The following ZRANB3 variants were observed in gnomAD, a reference collection of about 807,000 sequenced individuals.
ZRANB3 encodes the protein zinc finger RANBP2-type containing 3.
A neutral mutation model predicts 133.8 loss-of-function variants in ZRANB3; 125 were observed. The observed-to-expected ratio is 0.93, with a 90% CI of 0.81 to 1.08. The LOEUF is 1.08. ZRANB3 is among the 50% of genes least tolerant of loss of function. The probability of loss-of-function intolerance (pLI) is 0.00; values close to 1 mark genes in which losing one functional copy is unlikely to be tolerated. For synonymous variants in ZRANB3, 387 were observed against 432.7 expected (o/e 0.89, Z 1.31); for missense variants, 1,229 against 1,275.5 (o/e 0.96, Z 0.56).
intron 1 of ZRANB3, among the ~76,000 whole-genome samples, chr2:135,522,552 C>A (rs1490603863): frequency 6.6e-6 from 1 of 152,230 alleles, no homozygotes. Flanking sequence ...GTAATCCCAG[C>A]ACTTTGGGAG....
At chr2:135,320,035 T>C (rs1449016578) in intron 6 of ZRANB3, among the ~76,000 whole-genome samples, 1 of 152,154 alleles carries the variant, frequency 6.6e-6, no homozygotes, top group Non-Finnish European at 1.5e-5. Context: ...GTGATTCTTT[T>C]TTTTCCCCCC....
At chr2:135,404,187 T>G (rs1231269929) in intron 2 of ZRANB3, among the ~76,000 whole-genome samples, 3 of 151,932 alleles carry the variant, frequency 2.0e-5, no homozygotes, top group Admixed American at 1.3e-4. Context: ...CCATGGCAAA[T>G]AAGTCAAAAA....
chr2:135,381,177 T>C (rs374764063), intron 3 of ZRANB3, among the ~76,000 whole-genome samples: 1 of 152,154 alleles, frequency 6.6e-6, no homozygotes, highest in Non-Finnish European at 1.5e-5. Context: ...CTGACCGTCA[T>C]AGCAAACGGC....
intron 12 of ZRANB3, among the ~76,000 whole-genome samples, chr2:135,257,781 A>G (rs1006617877): frequency 1.3e-5 from 2 of 152,206 alleles, no homozygotes; most frequent in South Asian, 2.1e-4. Flanking sequence ...CATTCCACAT[A>G]CATTTATTGA....
chr2:135,529,416 A>G (rs1694301854), intron 1 of ZRANB3, among the ~76,000 whole-genome samples: 1 of 152,164 alleles, frequency 6.6e-6, no homozygotes, highest in Non-Finnish European at 1.5e-5. Context: ...TGTGGGCTCC[A>G]TGTGGCCGAT....
intron 13 of ZRANB3, among the ~76,000 whole-genome samples, chr2:135,229,366 ATTTT>A (rs528864234): frequency 1.5e-5 from 2 of 136,590 alleles, no homozygotes; most frequent in African/African-American, 2.8e-5. Flanking sequence ...CAATGCCAAT[ATTTT>A]TTTTTTTTTT....
intron 17 of ZRANB3, among the ~76,000 whole-genome samples, chr2:135,214,236 G>A (rs73960603): frequency 0.12 from 17,919 of 152,178 alleles, 1,323 homozygotes; most frequent in South Asian, 0.32. Context: ...GTGGTAATTT[G>A]TTATGGCAGC....
At chr2:135,249,161 T>C (rs1573757013) in intron 12 of ZRANB3, among the ~76,000 whole-genome samples, 3 of 152,290 alleles carry the variant, frequency 2.0e-5, no homozygotes, top group Middle Eastern at 6.8e-3. Context: ...TGTAAATTAG[T>C]TCAACTATTG....
chr2:135,325,458 G>A lies in ZRANB3; in HGVS notation c.678-9928C>T, dbSNP rs150945964. On this transcript the variant is annotated intron_variant, in intron 6 of 20. Transcript: ENST00000264159. ...AGTCTCCAGGCTGGAGTGCAGTGGC[G>A]TAATCTTGGCTCACTGCAAGCTCCG... Among the ~76,000 whole-genome samples, 467 of 152,002 alleles carry A rather than the reference G, an allele frequency of 3.1e-3. 2 individuals carry two copies. Among genetic ancestry groups the A allele is most frequent in the African/African-American group, 0.01 (421 of 41,462 alleles).
At chr2:135,291,274 C>G (rs188603485) in intron 8 of ZRANB3, among the ~76,000 whole-genome samples, 5 of 152,118 alleles carry the variant, frequency 3.3e-5, no homozygotes, top group Admixed American at 6.5e-5. Context: ...CCTCTGCCTT[C>G]TAGATTCAAG....
In ZRANB3 at chr2:135,424,470, C is replaced by T. The variant is rs1220076413; in HGVS notation, c.162-33650G>A. On this transcript the variant is annotated intron_variant, in intron 2 of 20. Coordinates refer to ENST00000264159, the MANE Select transcript of ZRANB3 (RefSeq NM_032143.4). ...AAACTAGGCTGGGCGCAGTGGCTCA[C>T]GTCTGTAATCCCAGCACTCTGGGAT... Among the ~76,000 whole-genome samples, 9 of 152,272 alleles carry T rather than the reference C, an allele frequency of 5.9e-5. No individual in the cohort carries two copies. In the East Asian group the frequency reaches 1.5e-3, roughly 26 times the overall value.
At chr2:135,333,773 G>C (rs1684257345) in intron 6 of ZRANB3, among the ~76,000 whole-genome samples, 1 of 152,160 alleles carries the variant, frequency 6.6e-6, no homozygotes, top group Non-Finnish European at 1.5e-5. Flanking sequence ...GAAAGTCACT[G>C]AATTGCACAT....
chr2:135,504,224 TAAAG>T (rs1336879420), intron 2 of ZRANB3, 101 bp downstream of exon 2: 2 of 1,341,090 alleles, frequency 1.5e-6, no homozygotes, highest in Non-Finnish European at 2.1e-6. Context: ...TCAATTCTAC[TAAAG>T]AAAGACTGTG....
At chr2:135,401,649 G>A (rs139427627) in intron 2 of ZRANB3, among the ~76,000 whole-genome samples, 20 of 152,254 alleles carry the variant, frequency 1.3e-4, no homozygotes, top group Middle Eastern at 3.4e-3. Context: ...AGCACATGTC[G>A]TTTTGTCTTC....
At chr2:135,494,929 A>C (rs940041224) in intron 2 of ZRANB3, among the ~76,000 whole-genome samples, 3 of 152,228 alleles carry the variant, frequency 2.0e-5, no homozygotes, top group African/African-American at 7.2e-5. Context: ...AATATATTAA[A>C]GTATTGTATA....
rs555047096 is a variant in ZRANB3 at position 135,296,014 on chromosome 2, T to C, written c.966+17475A>G. Among the ~76,000 whole-genome samples, 121 of 152,338 alleles carry C rather than the reference T, an allele frequency of 7.9e-4. 1 individual carries two copies. Among genetic ancestry groups the C allele is most frequent in the African/African-American group, 2.6e-3 (107 of 41,580 alleles). On this transcript the variant is annotated intron_variant, in intron 8 of 20. Coordinates refer to ENST00000264159, the MANE Select transcript of ZRANB3 (RefSeq NM_032143.4). ...TTCTCTCTGGCTGCCCTTAACATTTTTTCCTTCATTTCAACTTTGGTGAAT... is the reference window on the plus strand; with the variant it reads ...TTCTCTCTGGCTGCCCTTAACATTTCTTCCTTCATTTCAACTTTGGTGAAT...
intron 17 of ZRANB3, among the ~76,000 whole-genome samples, chr2:135,213,665 C>A (rs972939075): frequency 1.2e-4 from 18 of 152,136 alleles, no homozygotes; most frequent in Non-Finnish European, 2.4e-4. Flanking sequence ...TACAGATCCT[C>A]ATCGTTTTTC....
At chr2:135,317,160 A>G (rs961877179) in intron 6 of ZRANB3, among the ~76,000 whole-genome samples, 7 of 152,008 alleles carry the variant, frequency 4.6e-5, no homozygotes, top group African/African-American at 1.7e-4. Flanking sequence ...GGATTTGCTT[A>G]TAATTGTTAT....
intron 12 of ZRANB3, among the ~76,000 whole-genome samples, chr2:135,255,912 ATTTT>A (rs760364915): frequency 2.2e-5 from 3 of 138,936 alleles, no homozygotes; most frequent in African/African-American, 5.4e-5. Context: ...ACTCATTAAA[ATTTT>A]TTTTTTTTTT....
Sources: gnomAD v4.1 joint callset for allele counts (sites outside exome capture counted in the v4.1 genomes callset) on GRCh38, gnomAD v4.1.1 for gene constraint, MANE v1.5 for transcripts, NCBI Gene and HGNC (gene_info 2026-07-23, HGNC 2026-07-21) for gene names.